Variants in TADA2A observed in about 807,000 individuals in gnomAD.
TADA2A encodes transcriptional adapter 2-alpha.
TADA2A carries 38 observed loss-of-function variants against 67.4 expected under a neutral mutation model. That is an observed-to-expected ratio of 0.56 (90% CI 0.44 to 0.74). The LOEUF (loss-of-function observed/expected upper bound fraction) is 0.74, where lower values mean the gene tolerates loss of function less well. Among genes scored for constraint, TADA2A ranks in the 30% least tolerant of loss-of-function variants. The probability of loss-of-function intolerance (pLI) is 0.00; values close to 1 mark genes in which losing one functional copy is unlikely to be tolerated. For synonymous variants in TADA2A, 192 were observed against 181.6 expected (o/e 1.06, Z -0.46); for missense variants, 454 against 547.0 (o/e 0.83, Z 1.70).
At position 37,465,554 on chromosome 17, in the gene TADA2A, TG is replaced by T; in HGVS notation, c.823+14del. ...GAAAGCCATGCATGTAGGTGGTTTT[TG>T]AGCCTTGAGCAGTATTTGTGTGTGT... On this transcript the variant is annotated intron_variant, in intron 11 of 15. Transcript: ENST00000615182. 2 of 1,614,118 alleles carry T rather than the reference TG, an allele frequency of 1.2e-6. No homozygotes were observed. The highest frequency in any genetic ancestry group is 1.7e-6 in the Non-Finnish European group (2 of 1,180,006).
intron 12 of TADA2A, 40 bp downstream of exon 12, chr17:37,467,565 T>C (rs1346879865): frequency 3.3e-6 from 5 of 1,507,060 alleles, no homozygotes. Flanking sequence ...TGAGGGCAAG[T>C]ATCTTCCAGA....
intron 4 of TADA2A, among the ~76,000 whole-genome samples, chr17:37,429,188 C>T (rs1398005012): frequency 2.0e-5 from 3 of 152,134 alleles, no homozygotes; most frequent in Non-Finnish European, 4.4e-5. Context: ...CCACCTCAAC[C>T]CTCAACCTCC....
At chr17:37,462,042 T>G in intron 9 of TADA2A, 36 bp from the exon 10 acceptor site, 1 of 1,480,670 alleles carries the variant, frequency 6.8e-7, no homozygotes, top group Non-Finnish European at 9.3e-7. Context: ...GTGAAAATAA[T>G]TCTAATGCAC....
chr17:37,466,129 G>A (rs1013833234), intron 11 of TADA2A, among the ~76,000 whole-genome samples: 1 of 152,126 alleles, frequency 6.6e-6, no homozygotes, highest in African/African-American at 2.4e-5. Flanking sequence ...AAAATTAAAA[G>A]TTGTTATGAG....
At chr17:37,413,556 T>C (rs1235885271) in intron 2 of TADA2A, among the ~76,000 whole-genome samples, 7 of 149,258 alleles carry the variant, frequency 4.7e-5, no homozygotes, top group Non-Finnish European at 1.0e-4. Context: ...TAATTTTTTT[T>C]ATTTTTAAGA....
At chr17:37,428,207 G>A (rs899287797) in intron 4 of TADA2A, among the ~76,000 whole-genome samples, 1 of 152,154 alleles carries the variant, frequency 6.6e-6, no homozygotes, top group Admixed American at 6.6e-5. Flanking sequence ...ACACAAATTT[G>A]TCTCACAGTT....
chr17:37,416,933 A>T (rs1381892870), intron 2 of TADA2A, among the ~76,000 whole-genome samples: 1 of 152,124 alleles, frequency 6.6e-6, no homozygotes, highest in Non-Finnish European at 1.5e-5. Context: ...AAAATTAGAT[A>T]AAAAGTCTTT....
At chr17:37,424,285 T>A (rs912242148) in intron 3 of TADA2A, among the ~76,000 whole-genome samples, 13 of 148,394 alleles carry the variant, frequency 8.8e-5, no homozygotes, top group African/African-American at 3.0e-4. Flanking sequence ...TCCACAAAAA[T>A]AAAAAAAAAT....
At chr17:37,417,543 T>C (rs1374561700) in intron 2 of TADA2A, among the ~76,000 whole-genome samples, 1 of 152,080 alleles carries the variant, frequency 6.6e-6, no homozygotes, top group African/African-American at 2.4e-5. Flanking sequence ...GTGATTTCTT[T>C]TTTTTTCTTG....
intron 3 of TADA2A, 135 bp from the exon 4 acceptor site, chr17:37,426,815 G>A (rs910252914): frequency 1.5e-5 from 11 of 711,002 alleles, no homozygotes; most frequent in Middle Eastern, 3.7e-4. Flanking sequence ...ACTGCACTTC[G>A]GCCTGGGTGA....
chr17:37,412,412 A>G (rs2051905855), intron 2 of TADA2A, among the ~76,000 whole-genome samples: 1 of 152,112 alleles, frequency 6.6e-6, no homozygotes, highest in African/African-American at 2.4e-5. Flanking sequence ...ACTTGTTTCT[A>G]AGAGTAAACC....
At chr17:37,422,515 A>T (rs1292136620) in intron 2 of TADA2A, among the ~76,000 whole-genome samples, 1 of 124,572 alleles carries the variant, frequency 8.0e-6, no homozygotes, top group Non-Finnish European at 1.7e-5. Context: ...TATTATTATT[A>T]TTATTATTTG....
intron 8 of TADA2A, among the ~76,000 whole-genome samples, chr17:37,457,491 C>CTTTTTTTTTTTTTTT (rs71135729): frequency 1.4e-5 from 1 of 72,398 alleles, no homozygotes; most frequent in Non-Finnish European, 2.4e-5. Flanking sequence ...AACATTAATT[C>CTTTTTTTTTTTTTTT]TTTTTTTTTT....
chr17:37,416,655 A>G (rs2052057163), intron 2 of TADA2A, among the ~76,000 whole-genome samples: 1 of 151,922 alleles, frequency 6.6e-6, no homozygotes, highest in African/African-American at 2.4e-5. Context: ...TCACGAGGTC[A>G]AGAGATTGAG....
intron 4 of TADA2A, among the ~76,000 whole-genome samples, chr17:37,435,727 G>A (rs140491277): frequency 7.4e-4 from 113 of 152,156 alleles, no homozygotes; most frequent in Middle Eastern, 3.4e-3. Context: ...CCACAGGTGC[G>A]CGCCACCATG....
chr17:37,441,776 C>T (rs1436292717), intron 6 of TADA2A, among the ~76,000 whole-genome samples: 8 of 151,722 alleles, frequency 5.3e-5, no homozygotes, highest in East Asian at 3.9e-4. Context: ...AAACGATTCT[C>T]GTGCCTCAGC....
At chr17:37,446,571 C>G (rs2053087549) in intron 8 of TADA2A, among the ~76,000 whole-genome samples, 1 of 150,980 alleles carries the variant, frequency 6.6e-6, no homozygotes, top group Admixed American at 6.6e-5. Flanking sequence ...CAAGACCAGC[C>G]TGGGCAACAC....
intron 10 of TADA2A, among the ~76,000 whole-genome samples, chr17:37,464,513 C>T (rs117073245): frequency 0.024 from 3,649 of 152,276 alleles, 63 homozygotes; most frequent in Non-Finnish European, 0.039. Flanking sequence ...TCGTCCATTA[C>T]TGCCAGCAGT....
chr17:37,417,960 G>C (rs1224964153), intron 2 of TADA2A, among the ~76,000 whole-genome samples: 5 of 152,064 alleles, frequency 3.3e-5, no homozygotes, highest in African/African-American at 1.2e-4. Context: ...AATATGTTTA[G>C]ACATAATTAC....
Sources: gnomAD v4.1 joint callset for allele counts (sites outside exome capture counted in the v4.1 genomes callset) on GRCh38, gnomAD v4.1.1 for gene constraint, MANE v1.5 for transcripts, NCBI Gene and HGNC (gene_info 2026-07-23, HGNC 2026-07-21) for gene names.